The following ESM1 variants were observed in gnomAD, a reference collection of about 807,000 sequenced individuals.
ESM1 encodes the protein endothelial cell specific molecule 1.
Under a neutral mutation model 14.9 loss-of-function variants are expected in ESM1, and 7 were observed. The ratio of observed to expected loss-of-function variants is 0.47; its 90% CI spans 0.27 to 0.88. The LOEUF is 0.88. Ranked by LOEUF, ESM1 falls within the 40% of genes least tolerant of loss-of-function variation. The probability of loss-of-function intolerance (pLI) is 0.14; values close to 1 mark genes in which losing one functional copy is unlikely to be tolerated. For missense variants in ESM1, 192 were observed against 237.9 expected, an observed-to-expected ratio of 0.81 and a Z score of 1.27; for synonymous variants, 89 against 89.4, an observed-to-expected ratio of 1.00 and a Z score of 0.02.
chr5:54,982,214 G>T, intron 1 of ESM1, 68 bp from the exon 2 acceptor site: 2 of 1,541,818 alleles, frequency 1.3e-6, no homozygotes, highest in Non-Finnish European at 1.8e-6. Flanking sequence ...TAACAGCCCT[G>T]GGTGCATAGC....
chr5:54,981,998 C>T lies in ESM1; in HGVS notation c.450G>A (p.Thr150=), dbSNP rs142604597. 0.011 allele frequency: 18,431 copies of T among 1,613,780 alleles called. 154 individuals carry two copies. Among genetic ancestry groups the T allele is most frequent in the Non-Finnish European group, 0.013 (15,568 of 1,179,738 alleles). The part of the protein sequence containing the change: ...TKSSNRFVSL[T]EHDMASGDGN... The stretch of plus-strand genomic sequence containing the variant: ...GCTTATACCAGAATCAGTGCTTACC[C>T]GTGAGAGAAACAAATCTGTTGGAAG... The change falls in exon 2 of 3, where the codon ACG becomes ACA. Residue 150 remains threonine, a splice_region_variant and synonymous_variant. Coordinates refer to ENST00000381405, the MANE Select transcript of ESM1 (RefSeq NM_007036.5).
intron 2 of ESM1, among the ~76,000 whole-genome samples, chr5:54,981,155 T>G (rs1273185546): frequency 6.6e-6 from 1 of 152,222 alleles, no homozygotes; most frequent in Non-Finnish European, 1.5e-5. Context: ...TTATTTTTTG[T>G]GATGGGAACA....
intron 2 of ESM1, among the ~76,000 whole-genome samples, chr5:54,979,981 A>AATT (rs1047900725): frequency 6.6e-6 from 1 of 152,204 alleles, no homozygotes; most frequent in African/African-American, 2.4e-5. Flanking sequence ...TAATATTTGA[A>AATT]ATTTGCTAAA....
chr5:54,985,458 C>G lies in ESM1; in HGVS notation c.60G>C (p.Trp20Cys). The change falls in exon 1 of 3, where the codon TGG becomes TGC. Residue 20 changes from tryptophan (W) to cysteine (C), a missense_variant. Transcript: ENST00000381405. ...GGCAGTCCACCGCATAATTATTGCT[C>G]CAGGCGGCCACCAGGTGTGCAGGCA... ...LLVPAHLVAA[W>C]SNNYAVDCPQ... 1 of 1,612,258 alleles carries G rather than the reference C, an allele frequency of 6.2e-7. No homozygotes were observed. Among genetic ancestry groups the G allele is most frequent in the South Asian group, 1.1e-5 (1 of 91,020 alleles).
In ESM1 at chr5:54,982,085, G is replaced by A; in HGVS notation, c.363C>T (p.Ile121=). 1 of 1,614,086 alleles carries A rather than the reference G, an allele frequency of 6.2e-7. No individual in the cohort carries two copies. The highest frequency in any genetic ancestry group is 2.2e-5 in the East Asian group (1 of 44,888). The change falls in exon 2 of 3, where the codon ATC becomes ATT. Residue 121 remains isoleucine (I), a synonymous_variant. Transcript: ENST00000381405. The stretch of plus-strand genomic sequence containing the variant: ...GGCATTTTCCCGTCCCCCTGTCACA[G>A]ATGCCTGACTGGCAGTTGCAGGTCT... ...CRETCNCQSG[I]CDRGTGKCLK...
In ESM1 at chr5:54,985,410, C is replaced by T. The variant is rs751451533; in HGVS notation, c.108G>A (p.Glu36=). The part of the protein sequence containing the change: ...VDCPQHCDSS[E]CKSSPRCKRT... ...TCTTGCAGCGCGGGCTGCTTTTGCACTCACTGCTGTCACAGTGTTGAGGGC... is the reference window on the plus strand; with the variant it reads ...TCTTGCAGCGCGGGCTGCTTTTGCATTCACTGCTGTCACAGTGTTGAGGGC... The change falls in exon 1 of 3, where the codon GAG becomes GAA. Residue 36 remains glutamate (E), a synonymous_variant. Coordinates refer to ENST00000381405, the MANE Select transcript of ESM1 (RefSeq NM_007036.5). The T allele has an allele frequency of 1.2e-6, 2 of 1,614,214 alleles. No individual in the cohort carries two copies. Among genetic ancestry groups the T allele is most frequent in the Non-Finnish European group, 1.7e-6 (2 of 1,180,030 alleles).
At chr5:54,982,865 C>A (rs7711060) in intron 1 of ESM1, among the ~76,000 whole-genome samples, 2,733 of 152,272 alleles carry the variant, frequency 0.018, 66 homozygotes, top group African/African-American at 0.061. Flanking sequence ...GAACTAGAAG[C>A]TTTTAGACCT....
At chr5:54,982,205 A>C in intron 1 of ESM1, 59 bp from the exon 2 acceptor site, 1 of 1,582,064 alleles carries the variant, frequency 6.3e-7, no homozygotes, top group Non-Finnish European at 8.7e-7. Context: ...TCTCCATCCT[A>C]ACAGCCCTGG....
intron 1 of ESM1, among the ~76,000 whole-genome samples, chr5:54,982,601 G>A (rs940025031): frequency 1.3e-5 from 2 of 152,178 alleles, no homozygotes; most frequent in African/African-American, 4.8e-5. Context: ...TATTTTAAGT[G>A]TATAGGAAAG....
Position 54,982,156 on chromosome 5 carries a change from A to G in ESM1, c.302-10T>C. On this transcript the variant is annotated splice_polypyrimidine_tract_variant and intron_variant, in intron 1 of 2. Coordinates refer to ENST00000381405, the MANE Select transcript of ESM1 (RefSeq NM_007036.5). ...GTGCCGTAGGGACAGTCTGGGGACAAAGGAAAGGTTGGAGAGGACGCTGCT... is the reference window on the plus strand; with the variant it reads ...GTGCCGTAGGGACAGTCTGGGGACAGAGGAAAGGTTGGAGAGGACGCTGCT... 1 of 1,613,368 alleles carries G rather than the reference A, an allele frequency of 6.2e-7. No individual in the cohort carries two copies. The highest frequency in any genetic ancestry group is 8.5e-7 in the Non-Finnish European group (1 of 1,179,622).
chr5:54,984,335 C>T (rs1740482743), intron 1 of ESM1, among the ~76,000 whole-genome samples: 1 of 152,068 alleles, frequency 6.6e-6, no homozygotes, highest in Non-Finnish European at 1.5e-5. Context: ...TTAATAATAG[C>T]TCTTCATAAT....
chr5:54,979,178 T>C lies in ESM1; in HGVS notation c.*154A>G. ...TCATATGGATGTTATGGATTGTAAG[T>C]ATCCTACTTTTTGTTTTCTGGATCC... On this transcript the variant is annotated 3_prime_UTR_variant, in exon 3 of 3. Coordinates refer to ENST00000381405, the MANE Select transcript of ESM1 (RefSeq NM_007036.5). The C allele has an allele frequency of 1.6e-6, 1 of 626,156 alleles. No homozygotes were observed. Among genetic ancestry groups the C allele is most frequent in the Non-Finnish European group, 2.9e-6 (1 of 346,728 alleles). The allele number at this position is 626,156 out of a possible 1,614,324, so 38.8% of individuals were successfully genotyped here.
chr5:54,983,171 A>C (rs1740430298), intron 1 of ESM1, among the ~76,000 whole-genome samples: 1 of 152,158 alleles, frequency 6.6e-6, no homozygotes, highest in Non-Finnish European at 1.5e-5. Context: ...TCTTTTTTTA[A>C]AGAGATCTAT....
At chr5:54,979,674 CTTTTT>C (rs1039276126) in intron 2 of ESM1, among the ~76,000 whole-genome samples, 153 of 152,276 alleles carry the variant, frequency 1.0e-3, no homozygotes, top group African/African-American at 3.5e-3. Context: ...ATGTATTTGT[CTTTTT>C]TTCCTGTGTA....
intron 1 of ESM1, 150 bp downstream of exon 1, chr5:54,985,067 C>T: frequency 1.4e-6 from 1 of 699,294 alleles, no homozygotes; most frequent in African/African-American, 1.8e-5. Flanking sequence ...CCTTCAGTCT[C>T]TACCCATGAC....
rs1743988552 is a variant in ESM1, at chr5:54,978,808, AT to A, written c.*523del. 7.5e-6 allele frequency: 1 copy of A among 133,964 alleles called. No homozygotes were observed. The highest frequency in any genetic ancestry group is 8.0e-5 in the Admixed American group (1 of 12,556). 8.3% of individuals were successfully genotyped at this position (133,964 alleles called of 1,614,324 possible). The stretch of plus-strand genomic sequence containing the variant: ...CCTTCAGGGGTTTTCTGGTTGTTTT[AT>A]TTTGACTTTTCCCAAAGCCAAAAAA... On this transcript the variant is annotated 3_prime_UTR_variant, in exon 3 of 3. Transcript: ENST00000381405.
chr5:54,984,451 T>C (rs566476379), intron 1 of ESM1, among the ~76,000 whole-genome samples: 3 of 152,244 alleles, frequency 2.0e-5, no homozygotes, highest in African/African-American at 4.8e-5. Context: ...ATGTTTAAAA[T>C]AAATTCTACA....
At chr5:54,979,460 A>T in intron 2 of ESM1, 25 bp from the exon 3 acceptor site, 1 of 1,442,532 alleles carries the variant, frequency 6.9e-7, no homozygotes, top group East Asian at 2.3e-5. Context: ...AATACAAATC[A>T]TGTCCAAACA....
rs1743967640 is a variant in ESM1, at chr5:54,977,930, T to C, written c.*1402A>G. ...TCCTTTTAAAACAAAACCTAACAGC[T>C]TATGCAGCTTTACATTCAAAGGCCT... On this transcript the variant is annotated 3_prime_UTR_variant, in exon 3 of 3. Coordinates refer to ENST00000381405, the MANE Select transcript of ESM1 (RefSeq NM_007036.5). 6.6e-6 allele frequency: 1 copy of C among 152,192 alleles called. No homozygotes were observed. The highest frequency in any genetic ancestry group is 6.5e-5 in the Admixed American group (1 of 15,280). 9.4% of individuals were successfully genotyped at this position (152,192 alleles called of 1,614,324 possible).
Sources: allele counts gnomAD v4.1 joint callset (sites outside exome capture counted in the v4.1 genomes callset), GRCh38; gene constraint gnomAD v4.1.1; transcripts MANE v1.5; gene names NCBI Gene and HGNC (gene_info 2026-07-23, HGNC 2026-07-21).